ASTN2: variants seen among roughly 807,000 people sequenced by gnomAD.
ASTN2 encodes astrotactin 2.
Under a neutral mutation model 139.8 loss-of-function variants are expected in ASTN2, and 54 were observed. The observed-to-expected ratio is 0.39, with a 90% CI of 0.31 to 0.48. The LOEUF (loss-of-function observed/expected upper bound fraction) is 0.48. Ranked by LOEUF, ASTN2 falls within the 20% of genes least tolerant of loss-of-function variation. The probability of loss-of-function intolerance (pLI) is 0.95; values close to 1 mark genes in which losing one functional copy is unlikely to be tolerated. For missense variants in ASTN2, 1,565 were observed against 1,725.1 expected (o/e 0.91, Z 1.64); for synonymous variants, 756 against 719.5 (o/e 1.05, Z -0.81).
At chr9:116,476,199 C>T (rs1269893896) in intron 20 of ASTN2, among the ~76,000 whole-genome samples, 1 of 152,170 alleles carries the variant, frequency 6.6e-6, no homozygotes, top group African/African-American at 2.4e-5. Flanking sequence ...CTAATCTCAG[C>T]CTCTGTCTTC....
At chr9:116,482,307 CAG>C (rs1000202275) in intron 20 of ASTN2, among the ~76,000 whole-genome samples, 1 of 152,104 alleles carries the variant, frequency 6.6e-6, no homozygotes, top group African/African-American at 2.4e-5. Context: ...GCCTGGGTGA[CAG>C]AGCAAGACTC....
At chr9:116,446,249 G>A (rs1847985630) in intron 20 of ASTN2, among the ~76,000 whole-genome samples, 1 of 105,550 alleles carries the variant, frequency 9.5e-6, no homozygotes. Context: ...GAGACAGAGG[G>A]GAGAGGGAGA....
At chr9:116,718,095 G>C (rs1828364362) in intron 16 of ASTN2, among the ~76,000 whole-genome samples, 1 of 152,198 alleles carries the variant, frequency 6.6e-6, no homozygotes, top group South Asian at 2.1e-4. Context: ...TGTAGCAAAG[G>C]AACATCATTC....
rs775297900 is a variant in ASTN2 at position 116,440,585 on chromosome 9, C to T, written c.3782+24G>A. 6 of 1,609,586 alleles carry T rather than the reference C, an allele frequency of 3.7e-6. No individual in the cohort carries two copies. In the East Asian group the frequency reaches 1.3e-4, roughly 36 times the overall value. Reference sequence around the variant, plus strand: ...CTGGAGGCAAAAAGAATATGCCCCTCCAATCACACAAATACGCCCATACCT... The same window carrying T: ...CTGGAGGCAAAAAGAATATGCCCCTTCAATCACACAAATACGCCCATACCT... On this transcript the variant is annotated intron_variant, in intron 22 of 22. Transcript: ENST00000313400.
chr9:117,249,871 C>T (rs1416562164), intron 2 of ASTN2, among the ~76,000 whole-genome samples: 1 of 152,044 alleles, frequency 6.6e-6, no homozygotes, highest in East Asian at 1.9e-4. Flanking sequence ...GTTGAGACCT[C>T]AGTCTCAAGG....
At chr9:116,857,937 C>T (rs774805932) in intron 11 of ASTN2, among the ~76,000 whole-genome samples, 4 of 152,180 alleles carry the variant, frequency 2.6e-5, no homozygotes, top group Admixed American at 2.6e-4. Context: ...TGCCTAGGCA[C>T]TTAGAACGCT....
rs997015710 is a variant in ASTN2 at position 116,425,250 on chromosome 9, T to C, written c.*601A>G. On this transcript the variant is annotated 3_prime_UTR_variant, in exon 23 of 23. Coordinates refer to ENST00000313400, the MANE Select transcript of ASTN2 (RefSeq NM_001365068.1). ...AAAGAGAGACAATAGGAATTTTTAA[T>C]GCATGGACAGGCCTGCAGGGACTCT... 2.9e-6 allele frequency: 1 copy of C among 347,274 alleles called. No individual in the cohort carries two copies. The highest frequency in any genetic ancestry group is 2.2e-5 in the African/African-American group (1 of 46,152). 21.5% of individuals were successfully genotyped at this position (347,274 alleles called of 1,614,324 possible). A position where few individuals can be genotyped will look rare whatever the true frequency, so the allele number is the denominator to read the frequency against.
At chr9:117,296,724 C>A (rs1245500680) in intron 1 of ASTN2, among the ~76,000 whole-genome samples, 1 of 152,198 alleles carries the variant, frequency 6.6e-6, no homozygotes, top group Non-Finnish European at 1.5e-5. Context: ...TGCCTTTTGG[C>A]AGTAGGCTGA....
rs540344070 is a variant in ASTN2 at position 116,443,676 on chromosome 9, C to T, written c.3498-1123G>A. Among the ~76,000 whole-genome samples, 41 of 152,182 alleles carry T rather than the reference C, an allele frequency of 2.7e-4. 1 individual carries two copies. The highest frequency in any genetic ancestry group is 2.7e-3 in the Admixed American group (41 of 15,292). ...CTAAGAAGGGAGCAGAAATGACTTT[C>T]TAGATGATGTGAGCCTTAGAGGCCA... On this transcript the variant is annotated intron_variant, in intron 20 of 22. Coordinates refer to ENST00000313400, the MANE Select transcript of ASTN2 (RefSeq NM_001365068.1).
At chr9:117,396,887 G>A (rs62562123) in intron 1 of ASTN2, among the ~76,000 whole-genome samples, 140 of 150,970 alleles carry the variant, frequency 9.3e-4, no homozygotes, top group Non-Finnish European at 1.2e-4. Flanking sequence ...TTTGATACAG[G>A]CATGCAATGT....
At chr9:117,027,558 C>A (rs1249259051) in intron 6 of ASTN2, among the ~76,000 whole-genome samples, 1 of 152,170 alleles carries the variant, frequency 6.6e-6, no homozygotes, top group Non-Finnish European at 1.5e-5. Flanking sequence ...CCTCTCTCCC[C>A]CCACCTCCAA....
chr9:116,615,871 T>C (rs1442551534), intron 19 of ASTN2, among the ~76,000 whole-genome samples: 1 of 151,856 alleles, frequency 6.6e-6, no homozygotes, highest in Non-Finnish European at 1.5e-5. Flanking sequence ...ACTTAAAGTA[T>C]AATAAAAAAA....
At chr9:117,158,000 T>C (rs370646826) in intron 3 of ASTN2, among the ~76,000 whole-genome samples, 1 of 152,174 alleles carries the variant, frequency 6.6e-6, no homozygotes. Context: ...ATGGCATGTA[T>C]TGGCATTTAG....
chr9:116,983,617 A>G (rs977661639), intron 7 of ASTN2, among the ~76,000 whole-genome samples: 1 of 152,210 alleles, frequency 6.6e-6, no homozygotes, highest in African/African-American at 2.4e-5. Flanking sequence ...TTAATTATGC[A>G]TTCGCTTCTT....
chr9:116,770,624 C>T (rs1235630583), intron 13 of ASTN2, among the ~76,000 whole-genome samples: 1 of 152,162 alleles, frequency 6.6e-6, no homozygotes, highest in Non-Finnish European at 1.5e-5. Context: ...TGAGCATTTG[C>T]TTCTCCAAGA....
intron 10 of ASTN2, among the ~76,000 whole-genome samples, chr9:116,876,810 AATAAACT>A (rs1479463006): frequency 3.3e-5 from 5 of 152,238 alleles, no homozygotes; most frequent in African/African-American, 9.6e-5. Context: ...TTGTACACTT[AATAAACT>A]ATAGAGTAAA....
At chr9:116,464,411 C>T (rs1296616445) in intron 20 of ASTN2, among the ~76,000 whole-genome samples, 1 of 138,702 alleles carries the variant, frequency 7.2e-6, no homozygotes, top group African/African-American at 2.5e-5. Context: ...CTAGGACTCA[C>T]TTCCATCAAT....
intron 1 of ASTN2, among the ~76,000 whole-genome samples, chr9:117,362,197 C>T (rs1279697060): frequency 6.6e-6 from 1 of 152,162 alleles, no homozygotes; most frequent in Non-Finnish European, 1.5e-5. Flanking sequence ...TGGTCTCAAA[C>T]TCCTGATCTC....
chr9:117,263,917 A>G (rs1213531655), intron 2 of ASTN2, among the ~76,000 whole-genome samples: 2 of 152,146 alleles, frequency 1.3e-5, no homozygotes, highest in Non-Finnish European at 2.9e-5. Context: ...CTGGAATCCC[A>G]GCACATTGGG....
Sources: gnomAD v4.1 joint callset for allele counts (sites outside exome capture counted in the v4.1 genomes callset) on GRCh38, gnomAD v4.1.1 for gene constraint, MANE v1.5 for transcripts, NCBI Gene and HGNC (gene_info 2026-07-23, HGNC 2026-07-21) for gene names.